DLG2: variants seen among roughly 807,000 people sequenced by gnomAD.
DLG2 encodes the protein disks large homolog 2.
A neutral mutation model predicts 132.5 loss-of-function variants in DLG2; 45 were observed. That is an observed-to-expected ratio of 0.34 (90% CI 0.27 to 0.44). DLG2 has a LOEUF of 0.44. Ranked by LOEUF, DLG2 falls within the 20% of genes least tolerant of loss-of-function variation. DLG2 has a pLI of 1.00. For missense variants in DLG2, 1,045 were observed against 1,196.9 expected, an observed-to-expected ratio of 0.87 and a Z score of 1.87; for synonymous variants, 424 against 419.6, an observed-to-expected ratio of 1.01 and a Z score of -0.13.
At chr11:84,615,815 C>T (rs1017464361) in intron 6 of DLG2, among the ~76,000 whole-genome samples, 8 of 50,092 alleles carry the variant, frequency 1.6e-4, no homozygotes, top group South Asian at 7.8e-4. Context: ...AGGACAAAAA[C>T]GGTAAAAAAA....
chr11:83,527,857 T>C (rs1413457730), intron 21 of DLG2, among the ~76,000 whole-genome samples: 2 of 152,188 alleles, frequency 1.3e-5, no homozygotes, highest in Non-Finnish European at 2.9e-5. Flanking sequence ...GTCATTGATT[T>C]TTCAGTGCAG....
intron 8 of DLG2, among the ~76,000 whole-genome samples, chr11:84,175,422 GC>G (rs2095935357): frequency 6.6e-6 from 1 of 152,000 alleles, no homozygotes; most frequent in Non-Finnish European, 1.5e-5. Flanking sequence ...TATGCTAAAG[GC>G]TTTTTATTTG....
intron 6 of DLG2, among the ~76,000 whole-genome samples, chr11:85,065,074 G>C (rs1211241355): frequency 1.3e-5 from 2 of 151,546 alleles, no homozygotes; most frequent in Non-Finnish European, 3.0e-5. Context: ...AAAGTCTCCT[G>C]GTCTCTGGGC....
intron 6 of DLG2, among the ~76,000 whole-genome samples, chr11:84,779,270 C>T (rs1006872701): frequency 6.6e-6 from 1 of 152,010 alleles, no homozygotes; most frequent in African/African-American, 2.4e-5. Context: ...CTCTGGAGAA[C>T]CCTAATATAA....
At chr11:84,866,030 G>A (rs1254837235) in intron 6 of DLG2, among the ~76,000 whole-genome samples, 2 of 152,208 alleles carry the variant, frequency 1.3e-5, no homozygotes, top group African/African-American at 2.4e-5. Flanking sequence ...CAACAGGGAA[G>A]AGGATCAAAA....
chr11:83,989,780 G>T (rs542986351), intron 11 of DLG2, among the ~76,000 whole-genome samples: 1 of 152,250 alleles, frequency 6.6e-6, no homozygotes, highest in East Asian at 1.9e-4. Flanking sequence ...CAGTAAGACA[G>T]GGTAGTCCCT....
intron 6 of DLG2, among the ~76,000 whole-genome samples, chr11:84,631,014 TCTCTCACACACACACACACA>T (rs2099630952): frequency 1.6e-5 from 2 of 128,268 alleles, no homozygotes; most frequent in Non-Finnish European, 3.3e-5. Flanking sequence ...TCTCTCTCTC[TCTCTCACACACACACACACA>T]CACACACACA....
intron 3 of DLG2, among the ~76,000 whole-genome samples, chr11:85,374,228 T>C (rs372990261): frequency 6.6e-6 from 1 of 152,130 alleles, no homozygotes; most frequent in Non-Finnish European, 1.5e-5. Context: ...GTTATAATGA[T>C]GAAGTTACTA....
At chr11:83,580,818 G>A (rs894201589) in intron 19 of DLG2, among the ~76,000 whole-genome samples, 1 of 80,216 alleles carries the variant, frequency 1.2e-5, no homozygotes, top group Admixed American at 1.5e-4. Context: ...GCCCCGCCAG[G>A]CTTCCTCCCT....
chr11:84,251,117 C>A, intron 8 of DLG2, 121 bp downstream of exon 8: 2 of 558,814 alleles, frequency 3.6e-6, no homozygotes, highest in South Asian at 3.7e-5. Context: ...ATTTACAAAA[C>A]TACATGTCAT....
At chr11:84,684,357 A>T (rs1413801701) in intron 6 of DLG2, among the ~76,000 whole-genome samples, 1 of 151,998 alleles carries the variant, frequency 6.6e-6, no homozygotes, top group African/African-American at 2.4e-5. Context: ...CCATGTCTTG[A>T]CTTCCTTTAT....
At chr11:84,586,218 T>A (rs2099529573) in intron 6 of DLG2, among the ~76,000 whole-genome samples, 1 of 152,022 alleles carries the variant, frequency 6.6e-6, no homozygotes, top group South Asian at 2.1e-4. Context: ...TTTCTCTATG[T>A]GTTCTGTTTC....
At chr11:85,141,894 A>G (rs1343805258) in intron 5 of DLG2, among the ~76,000 whole-genome samples, 2 of 151,760 alleles carry the variant, frequency 1.3e-5, no homozygotes, top group South Asian at 2.1e-4. Context: ...TGCATTCTCT[A>G]TTCTGTTCCA....
intron 7 of DLG2, among the ~76,000 whole-genome samples, chr11:84,279,975 A>C (rs931300657): frequency 1.3e-5 from 2 of 152,230 alleles, no homozygotes; most frequent in African/African-American, 4.8e-5. Flanking sequence ...TTAGGACAAG[A>C]TAAGTACGTC....
intron 3 of DLG2, among the ~76,000 whole-genome samples, chr11:85,321,865 A>C (rs1023776295): frequency 6.6e-6 from 1 of 152,030 alleles, no homozygotes; most frequent in African/African-American, 2.4e-5. Context: ...AATTAGAGGA[A>C]AAGAGATGCA....
At chr11:84,027,964 G>T (rs2095584739) in intron 11 of DLG2, among the ~76,000 whole-genome samples, 1 of 151,120 alleles carries the variant, frequency 6.6e-6, no homozygotes, top group Non-Finnish European at 1.5e-5. Context: ...TAATCTACCA[G>T]TGACAACATT....
chr11:84,342,003 C>T (rs2098517157), intron 7 of DLG2, among the ~76,000 whole-genome samples: 1 of 152,146 alleles, frequency 6.6e-6, no homozygotes, highest in South Asian at 2.1e-4. Flanking sequence ...TTACTTAGTT[C>T]ATATCCATTC....
chr11:85,175,700 A>G (rs991533265), intron 4 of DLG2, among the ~76,000 whole-genome samples: 2 of 152,196 alleles, frequency 1.3e-5, no homozygotes, highest in South Asian at 2.1e-4. Flanking sequence ...ACATAATTCT[A>G]TATCTAGAAA....
chr11:83,588,279 G>A (rs1386073237), intron 19 of DLG2, among the ~76,000 whole-genome samples: 1 of 150,470 alleles, frequency 6.6e-6, no homozygotes, highest in Non-Finnish European at 1.5e-5. Flanking sequence ...GCACGCAGCT[G>A]GAGATCTGAG....
Sources: allele counts gnomAD v4.1 joint callset (sites outside exome capture counted in the v4.1 genomes callset), GRCh38; gene constraint gnomAD v4.1.1; transcripts MANE v1.5; gene names NCBI Gene and HGNC (gene_info 2026-07-23, HGNC 2026-07-21).